RETREG1: variants seen among roughly 807,000 people sequenced by gnomAD.
RETREG1 encodes family with sequence similarity 134 member B.
RETREG1 carries 44 observed loss-of-function variants against 54.8 expected under a neutral mutation model. That is an observed-to-expected ratio of 0.80 (90% confidence interval 0.63 to 1.03). The LOEUF (loss-of-function observed/expected upper bound fraction) is 1.03. Among genes scored for constraint, RETREG1 ranks in the 50% least tolerant of loss-of-function variants. The pLI is 0.00. For synonymous variants in RETREG1, 217 were observed against 238.5 expected, an observed-to-expected ratio of 0.91 and a Z score of 0.83; for missense variants, 554 against 605.1, an observed-to-expected ratio of 0.92 and a Z score of 0.89.
At chr5:16,558,203 T>C (rs1273486950) in intron 3 of RETREG1, among the ~76,000 whole-genome samples, 1 of 152,118 alleles carries the variant, frequency 6.6e-6, no homozygotes, top group Non-Finnish European at 1.5e-5. Flanking sequence ...GAGGCTGCAG[T>C]GAACTACGAT....
rs1738590947 is a variant in RETREG1, at chr5:16,477,614, T to TGACTTCTTTGCTGAC, written c.1000+47_1000+48insGTCAGCAAAGAAGTC. The TGACTTCTTTGCTGAC allele has an allele frequency of 1.9e-6, 3 of 1,572,180 alleles. No individual in the cohort carries two copies. In the Admixed American group the frequency reaches 5.0e-5, roughly 26 times the overall value. On this transcript the variant is annotated intron_variant, in intron 8 of 8. Coordinates refer to ENST00000306320, the MANE Select transcript of RETREG1 (RefSeq NM_001034850.3). ...TCAGTATTTGACAGAAGTTCAATAG[T>TGACTTCTTTGCTGAC]TTTGTATGCACTCATAAAAATAAAT...
intron 3 of RETREG1, among the ~76,000 whole-genome samples, chr5:16,488,983 T>C (rs1179391293): frequency 6.8e-6 from 1 of 146,140 alleles, no homozygotes; most frequent in Non-Finnish European, 1.5e-5. Flanking sequence ...CTCAGGAGGC[T>C]GAGGCAGGAG....
chr5:16,511,004 A>G lies in RETREG1; in HGVS notation c.459-27532T>C, dbSNP rs115456994. On this transcript the variant is annotated intron_variant, in intron 3 of 8. Coordinates refer to ENST00000306320, the MANE Select transcript of RETREG1 (RefSeq NM_001034850.3). ...TTAGTTGCTGGTTACCACAGAACTG[A>G]ATATATCCCTGAGACCTGCCTCTTA... Among the ~76,000 whole-genome samples the G allele has an allele frequency of 2.8e-3, 427 of 152,192 alleles. 2 individuals are homozygous for G. The highest frequency in any genetic ancestry group is 9.8e-3 in the African/African-American group (406 of 41,524).
intron 3 of RETREG1, among the ~76,000 whole-genome samples, chr5:16,515,100 T>C (rs1385645110): frequency 6.6e-6 from 1 of 152,016 alleles, no homozygotes; most frequent in African/African-American, 2.4e-5. Flanking sequence ...AATAGCTTCT[T>C]TTCCTCTGGG....
intron 3 of RETREG1, among the ~76,000 whole-genome samples, chr5:16,552,923 C>A (rs1038667597): frequency 2.6e-5 from 4 of 152,226 alleles, no homozygotes; most frequent in Admixed American, 6.5e-5. Flanking sequence ...CTCACACCCC[C>A]TCTAGTGGCA....
rs1742935737 is a variant in RETREG1, at chr5:16,597,508, G to A, written c.320+19144C>T. Reference sequence around the variant, plus strand: ...ACTCTGAGTACCCTTGGGGAGTCCAGGAGTCTCTCTCAGGATGGCATTCTG... The same window carrying A: ...ACTCTGAGTACCCTTGGGGAGTCCAAGAGTCTCTCTCAGGATGGCATTCTG... On this transcript the variant is annotated intron_variant, in intron 1 of 8. Transcript: ENST00000306320. The surrounding 1 kb of genome is among the most constrained non-coding windows in gnomAD (Gnocchi z 4.3). Among the ~76,000 whole-genome samples, 1 of 152,162 alleles carries A rather than the reference G, an allele frequency of 6.6e-6. No individual in the cohort carries two copies. The highest frequency in any genetic ancestry group is 6.5e-5 in the Admixed American group (1 of 15,282).
intron 3 of RETREG1, among the ~76,000 whole-genome samples, chr5:16,537,546 A>C (rs1741110134): frequency 6.6e-6 from 1 of 152,202 alleles, no homozygotes; most frequent in African/African-American, 2.4e-5. Flanking sequence ...AAAAATACAA[A>C]AATTAGCTGG....
chr5:16,530,707 G>T (rs1740887362), intron 3 of RETREG1, among the ~76,000 whole-genome samples: 1 of 152,020 alleles, frequency 6.6e-6, no homozygotes, highest in African/African-American at 2.4e-5. Context: ...ACCCTGTCTA[G>T]ACTAAAAATA....
At chr5:16,542,215 G>A (rs931190246) in intron 3 of RETREG1, among the ~76,000 whole-genome samples, 1 of 152,182 alleles carries the variant, frequency 6.6e-6, no homozygotes, top group Admixed American at 6.5e-5. Flanking sequence ...GGCCACCACT[G>A]CTCTCTCTGT....
At chr5:16,550,070 T>C (rs1741489275) in intron 3 of RETREG1, among the ~76,000 whole-genome samples, 1 of 152,104 alleles carries the variant, frequency 6.6e-6, no homozygotes, top group Admixed American at 6.5e-5. Flanking sequence ...TGTTCAGGTA[T>C]TAAAAACAGG....
intron 3 of RETREG1, among the ~76,000 whole-genome samples, chr5:16,565,530 AAATTCATGTTGCCCAGTATCATAGC>A (rs1358156914): frequency 6.6e-6 from 1 of 152,090 alleles, no homozygotes; most frequent in Non-Finnish European, 1.5e-5. Context: ...TGATTCTCAC[AAATTCATGTTGCCCAGTATCATAGC>A]AAGATACACA....
chr5:16,535,558 A>G (rs1413146112), intron 3 of RETREG1, among the ~76,000 whole-genome samples: 1 of 127,330 alleles, frequency 7.9e-6, no homozygotes, highest in African/African-American at 3.1e-5. Flanking sequence ...TGGGAGCTGG[A>G]GCTACTGTGT....
intron 1 of RETREG1, among the ~76,000 whole-genome samples, chr5:16,591,969 A>G (rs529191201): frequency 1.3e-5 from 2 of 152,374 alleles, no homozygotes; most frequent in African/African-American, 4.8e-5. Flanking sequence ...AAAATGCCTC[A>G]CTTCAACCAC....
chr5:16,481,375 G>A (rs1255455754), intron 4 of RETREG1, among the ~76,000 whole-genome samples: 2 of 152,060 alleles, frequency 1.3e-5, no homozygotes, highest in South Asian at 2.1e-4. Context: ...CATGCCTGTG[G>A]CTATATTACT....
intron 8 of RETREG1, among the ~76,000 whole-genome samples, chr5:16,475,720 CTG>C (rs1288871284): frequency 2.0e-5 from 3 of 152,084 alleles, no homozygotes; most frequent in Admixed American, 6.5e-5. Flanking sequence ...TGCCTGTAAT[CTG>C]TGTTTGTTTT....
intron 3 of RETREG1, among the ~76,000 whole-genome samples, chr5:16,556,400 T>G (rs1426279808): frequency 1.3e-5 from 2 of 152,072 alleles, no homozygotes; most frequent in East Asian, 3.9e-4. Flanking sequence ...GACCTCGTGA[T>G]CCTCCCGCCT....
In RETREG1 at chr5:16,558,624, T is replaced by A. The variant is rs531567557; in HGVS notation, c.458+7139A>T. 5.0e-4 allele frequency among the ~76,000 whole-genome samples: 76 copies of A among 152,326 alleles called. 1 individual carries two copies. The South Asian group carries it at 0.015, about 30-fold the overall frequency. The stretch of plus-strand genomic sequence containing the variant: ...TGATGCCTTATTAACAAGGTTCCAG[T>A]CTTACTGTACAAGTTACAAGGTCCA... On this transcript the variant is annotated intron_variant, in intron 3 of 8. Coordinates refer to ENST00000306320, the MANE Select transcript of RETREG1 (RefSeq NM_001034850.3).
At chr5:16,505,069 T>C (rs1234197283) in intron 3 of RETREG1, among the ~76,000 whole-genome samples, 1 of 152,200 alleles carries the variant, frequency 6.6e-6, no homozygotes, top group Non-Finnish European at 1.5e-5. Context: ...GCTTTAAAAG[T>C]GCTTTGGTGA....
rs930760514 is a variant in RETREG1 at position 16,597,638 on chromosome 5, C to A, written c.320+19014G>T. ...GCACTGCCCTTGGTCCTCCCCCACC[C>A]ACAAGAGTGACCCCACCAGTGGCTT... On this transcript the variant is annotated intron_variant, in intron 1 of 8. Transcript: ENST00000306320. The surrounding 1 kb of genome is among the most constrained non-coding windows in gnomAD (Gnocchi z 4.3). Among the ~76,000 whole-genome samples the A allele has an allele frequency of 6.6e-6, 1 of 152,118 alleles. No homozygotes were observed. The highest frequency in any genetic ancestry group is 1.5e-5 in the Non-Finnish European group (1 of 68,022).
Sources: gnomAD v4.1 joint callset for allele counts (sites outside exome capture counted in the v4.1 genomes callset) on GRCh38, gnomAD v4.1.1 for gene constraint, Gnocchi (gnomAD v3.1) non-coding constraint, MANE v1.5 for transcripts, NCBI Gene and HGNC (gene_info 2026-07-23, HGNC 2026-07-21) for gene names.